RANBP2: variants seen among roughly 807,000 people sequenced by gnomAD.
RANBP2 encodes E3 SUMO-protein ligase RanBP2.
In RANBP2, 57 loss-of-function variants were observed where a neutral mutation model predicts 303.6. That is an observed-to-expected ratio of 0.19 (90% CI 0.15 to 0.23). The LOEUF (loss-of-function observed/expected upper bound fraction) is 0.23, where lower values mean the gene tolerates loss of function less well. Among genes scored for constraint, RANBP2 ranks in the 10% least tolerant of loss-of-function variants. The probability of loss-of-function intolerance (pLI) is 1.00; values close to 1 mark genes in which losing one functional copy is unlikely to be tolerated. For missense variants in RANBP2, 3,138 were observed against 3,780.8 expected (o/e 0.83, Z 4.46); for synonymous variants, 1,167 against 1,301.5 (o/e 0.90, Z 2.23).
the RANBP2 span, among the ~76,000 whole-genome samples, chr2:109,548,327 TTA>T: frequency 6.6e-6 from 1 of 152,196 alleles, no homozygotes; most frequent in African/African-American, 2.4e-5. Flanking sequence ...AAATCTGACA[TTA>T]ACATTTTAGT....
rs761466894 is a variant in RANBP2 at position 108,730,800 on chromosome 2, A to G, written c.167A>G (p.Gln56Arg). The G allele has an allele frequency of 3.7e-6, 6 of 1,611,670 alleles. No individual in the cohort carries two copies. In the South Asian group the frequency reaches 5.5e-5, roughly 15 times the overall value. ...KKYICTYINVQERDPKAHRFL... is the reference protein window; with the variant it reads ...KKYICTYINVRERDPKAHRFL... ...TACATATGTACTTACATTAATGTGC[A>G]AGAGAGGGATCCCAAAGCTCACAGA... Residue 56 changes from glutamine (Q) to arginine (R), a missense_variant, in exon 3 of 29, where the codon CAA (glutamine) becomes CGA (arginine). Physicochemically the swap from Gln to Arg is conservative, Grantham distance 43 (BLOSUM62 1). Transcript: ENST00000283195.
chr2:108,816,824 G>T, the RANBP2 span, among the ~76,000 whole-genome samples: 3 of 152,104 alleles, frequency 2.0e-5, no homozygotes, highest in East Asian at 5.8e-4. Flanking sequence ...ATCCCTTTGA[G>T]TAGGGTCTAC....
the RANBP2 span, among the ~76,000 whole-genome samples, chr2:109,199,612 T>TCAACGC: frequency 6.0e-3 from 2 of 336 alleles, no homozygotes; most frequent in Non-Finnish European, 0.014. Flanking sequence ...TGGAATGGAA[T>TCAACGC]GGAATGGAAT....
chr2:109,253,154 A>T, the RANBP2 span, among the ~76,000 whole-genome samples: 57 of 152,102 alleles, frequency 3.7e-4, no homozygotes, highest in Middle Eastern at 6.8e-3. Context: ...CAGCCTTCTG[A>T]GTAGCTGGGA....
the RANBP2 span, among the ~76,000 whole-genome samples, chr2:109,239,099 G>A: frequency 1.3e-5 from 2 of 152,202 alleles, no homozygotes; most frequent in East Asian, 1.9e-4. Context: ...AGGAGAAGAC[G>A]TCCAAGACAC....
chr2:108,893,591 T>TAA, the RANBP2 span, among the ~76,000 whole-genome samples: 11 of 148,536 alleles, frequency 7.4e-5, no homozygotes, highest in South Asian at 2.1e-4. Context: ...CACTTGTGCT[T>TAA]AAAAAACAAA....
the RANBP2 span, among the ~76,000 whole-genome samples, chr2:109,636,176 A>G: frequency 6.6e-6 from 1 of 152,354 alleles, no homozygotes; most frequent in South Asian, 2.1e-4. Flanking sequence ...ACTGTGAGAA[A>G]TAAATGTCCG....
At chr2:109,144,726 C>G in the RANBP2 span, among the ~76,000 whole-genome samples, 3 of 152,256 alleles carry the variant, frequency 2.0e-5, no homozygotes, top group Non-Finnish European at 4.4e-5. Flanking sequence ...CCACCTCCAG[C>G]TGGTGATGCA....
the RANBP2 span, among the ~76,000 whole-genome samples, chr2:109,134,326 A>C: frequency 0.2 from 30,744 of 152,134 alleles, 3,882 homozygotes; most frequent in Middle Eastern, 0.36. Flanking sequence ...TAAGGACTCC[A>C]GAGGAAAAGG....
chr2:109,393,693 C>T, the RANBP2 span, among the ~76,000 whole-genome samples: 27 of 151,966 alleles, frequency 1.8e-4, no homozygotes, highest in Non-Finnish European at 2.9e-4. Flanking sequence ...GTATCGCGCT[C>T]CCAAGCCCTG....
chr2:109,036,692 C>T, the RANBP2 span, among the ~76,000 whole-genome samples: 1 of 152,056 alleles, frequency 6.6e-6, no homozygotes, highest in Admixed American at 6.6e-5. Flanking sequence ...GGGGACAATC[C>T]TAAGTTGAGA....
At chr2:109,673,041 C>T in the RANBP2 span, among the ~76,000 whole-genome samples, 7 of 152,170 alleles carry the variant, frequency 4.6e-5, no homozygotes, top group East Asian at 1.4e-3. Flanking sequence ...CCAACAAATT[C>T]AGAGGAAAAT....
the RANBP2 span, among the ~76,000 whole-genome samples, chr2:109,287,823 A>C: frequency 1.3e-5 from 2 of 151,600 alleles, no homozygotes; most frequent in Non-Finnish European, 2.9e-5. Flanking sequence ...AGGGCGCTGC[A>C]CTCTCCTGTG....
the RANBP2 span, among the ~76,000 whole-genome samples, chr2:109,313,312 G>C: frequency 2.0e-5 from 3 of 152,350 alleles, no homozygotes; most frequent in Non-Finnish European, 2.9e-5. Context: ...CAAGGGGGGA[G>C]GCTGGCATCT....
At chr2:109,371,772 T>C in the RANBP2 span, 2 of 1,082,548 alleles carry the variant, frequency 1.8e-6, no homozygotes, top group Admixed American at 4.1e-5. Flanking sequence ...GCCCCTTTTC[T>C]AAGAGAGAAA....
chr2:109,615,710 T>C, the RANBP2 span: 1 of 1,613,472 alleles, frequency 6.2e-7, no homozygotes, highest in East Asian at 2.2e-5. Context: ...GCGCCGCGGG[T>C]AGCGGCGGCG....
chr2:109,094,472 T>A, the RANBP2 span, among the ~76,000 whole-genome samples: 1 of 152,074 alleles, frequency 6.6e-6, no homozygotes, highest in African/African-American at 2.4e-5. Flanking sequence ...AACTGGCAAA[T>A]GAGAAATCTT....
At chr2:109,577,576 A>G in the RANBP2 span, among the ~76,000 whole-genome samples, 1 of 150,734 alleles carries the variant, frequency 6.6e-6, no homozygotes, top group South Asian at 2.1e-4. Flanking sequence ...TCAGTGACAG[A>G]GTGAGACTCC....
chr2:108,881,271 T>G, the RANBP2 span, among the ~76,000 whole-genome samples: 1 of 152,348 alleles, frequency 6.6e-6, no homozygotes, highest in South Asian at 2.1e-4. Flanking sequence ...ATTTCTTTCC[T>G]AAAACCTCAT....
Sources: allele counts gnomAD v4.1 joint callset (sites outside exome capture counted in the v4.1 genomes callset), GRCh38; gene constraint gnomAD v4.1.1; transcripts MANE v1.5; gene names NCBI Gene and HGNC (gene_info 2026-07-23, HGNC 2026-07-21).